ARHGAP15: variants seen among roughly 807,000 people sequenced by gnomAD.
The protein encoded by ARHGAP15 is Rho GTPase activating protein 15.
In ARHGAP15, 51 loss-of-function variants were observed where a neutral mutation model predicts 63.7. The observed-to-expected ratio is 0.80, with a 90% CI of 0.64 to 1.01. The LOEUF is 1.01. Ranked by LOEUF, ARHGAP15 falls within the 50% of genes least tolerant of loss-of-function variation. ARHGAP15 has a pLI of 0.00. For missense variants in ARHGAP15, 560 were observed against 564.6 expected (o/e 0.99, Z 0.08); for synonymous variants, 191 against 193.8 (o/e 0.99, Z 0.12).
intron 6 of ARHGAP15, among the ~76,000 whole-genome samples, chr2:143,334,225 C>T (rs191951185): frequency 8.1e-4 from 123 of 152,230 alleles, no homozygotes; most frequent in Non-Finnish European, 1.2e-3. Flanking sequence ...TCTAATTTTT[C>T]TTAAGCTGGT....
chr2:143,305,871 T>C (rs899323165), intron 6 of ARHGAP15, among the ~76,000 whole-genome samples: 2 of 152,092 alleles, frequency 1.3e-5, no homozygotes, highest in Non-Finnish European at 2.9e-5. Context: ...TTAAAATATA[T>C]AAATAAAATT....
intron 6 of ARHGAP15, among the ~76,000 whole-genome samples, chr2:143,308,555 C>T (rs1683287995): frequency 6.6e-6 from 1 of 151,698 alleles, no homozygotes; most frequent in Non-Finnish European, 1.5e-5. Context: ...GCTATGGTAA[C>T]TATTGTAATT....
chr2:143,618,639 A>T (rs1698531894), intron 11 of ARHGAP15, among the ~76,000 whole-genome samples: 3 of 152,220 alleles, frequency 2.0e-5, no homozygotes, highest in African/African-American at 7.2e-5. Flanking sequence ...CTTGTTTTTA[A>T]CACATGAAGA....
intron 13 of ARHGAP15, among the ~76,000 whole-genome samples, chr2:143,749,677 GGAGT>G (rs1488206017): frequency 1.3e-5 from 2 of 152,150 alleles, no homozygotes; most frequent in African/African-American, 2.4e-5. Context: ...TAATGGGATA[GGAGT>G]AATTATTTTA....
At position 143,532,580 on chromosome 2, in the gene ARHGAP15, T is replaced by C. The variant is rs1694567682; in HGVS notation, c.925+13216T>C. Among the ~76,000 whole-genome samples the C allele has an allele frequency of 3.3e-5, 5 of 152,212 alleles. No individual in the cohort carries two copies. The South Asian group carries it at 1.0e-3, about 31-fold the overall frequency. ...GTTATTAGGATAGCAAGTGACTTAA[T>C]GCTAGAAATCAACTATTCTTGACTT... On this transcript the variant is annotated intron_variant, in intron 10 of 13. Transcript: ENST00000295095.
intron 11 of ARHGAP15, among the ~76,000 whole-genome samples, chr2:143,592,855 C>A (rs970289822): frequency 1.3e-5 from 2 of 152,162 alleles, no homozygotes; most frequent in African/African-American, 4.8e-5. Flanking sequence ...CATCTGGATT[C>A]TTTTGTGGGG....
chr2:143,517,160 G>A (rs1693860619), intron 9 of ARHGAP15, among the ~76,000 whole-genome samples: 1 of 152,138 alleles, frequency 6.6e-6, no homozygotes, highest in South Asian at 2.1e-4. Flanking sequence ...TGTTGGCCAA[G>A]ATGGTCTAAA....
chr2:143,764,423 T>C (rs148961409), intron 13 of ARHGAP15, among the ~76,000 whole-genome samples: 53 of 152,280 alleles, frequency 3.5e-4, no homozygotes, highest in African/African-American at 1.2e-3. Flanking sequence ...TCTTTCCCCT[T>C]TCAAACTTCC....
chr2:143,717,645 TTTATTC>T (rs1684867245), intron 13 of ARHGAP15, among the ~76,000 whole-genome samples: 1 of 152,206 alleles, frequency 6.6e-6, no homozygotes, highest in Non-Finnish European at 1.5e-5. Context: ...ATCCGAGTCA[TTTATTC>T]TGGTCTGTAC....
At chr2:143,215,254 G>A (rs16858878) in intron 3 of ARHGAP15, among the ~76,000 whole-genome samples, 26,318 of 151,986 alleles carry the variant, frequency 0.17, 2,490 homozygotes, top group Middle Eastern at 0.25. Flanking sequence ...ATAAAAAGAC[G>A]TGCACATTAA....
intron 12 of ARHGAP15, among the ~76,000 whole-genome samples, chr2:143,670,442 A>G (rs2105347122): frequency 6.6e-6 from 1 of 152,294 alleles, no homozygotes; most frequent in South Asian, 2.1e-4. Flanking sequence ...AGTGCAAAGG[A>G]TGCGGAAGAT....
chr2:143,206,286 G>A (rs924199991), intron 3 of ARHGAP15, among the ~76,000 whole-genome samples: 3 of 152,074 alleles, frequency 2.0e-5, no homozygotes, highest in African/African-American at 7.2e-5. Context: ...CTTCTACTTA[G>A]ATTGCTTTTG....
At chr2:143,636,849 T>C (rs1680342628) in intron 12 of ARHGAP15, among the ~76,000 whole-genome samples, 1 of 152,108 alleles carries the variant, frequency 6.6e-6, no homozygotes, top group African/African-American at 2.4e-5. Context: ...AGAGAGTGTG[T>C]GGCTTAAATA....
intron 6 of ARHGAP15, among the ~76,000 whole-genome samples, chr2:143,343,162 C>T (rs569059040): frequency 5.7e-4 from 87 of 152,096 alleles, no homozygotes; most frequent in African/African-American, 2.0e-3. Context: ...TGATAAACCC[C>T]GCACTGGTTA....
chr2:143,256,813 T>C lies in ARHGAP15; in HGVS notation c.474+6213T>C, dbSNP rs553239519. Among the ~76,000 whole-genome samples the C allele has an allele frequency of 1.1e-4, 16 of 152,160 alleles. 1 individual carries two copies. The South Asian group carries it at 1.9e-3, about 18-fold the overall frequency. On this transcript the variant is annotated intron_variant, in intron 6 of 13. Coordinates refer to ENST00000295095, the MANE Select transcript of ARHGAP15 (RefSeq NM_018460.4). ...TATGAATGTCAGGGGTATATAAAGA[T>C]TGAGTGCAAATGATAGAATCTGGGG...
rs78599706 is a variant in ARHGAP15, at chr2:143,602,958, G to A, written c.1004-21175G>A. ...TATTTTTAAGCCTGACCAAATAGGCGTACTCTAATCTTGCCTATTTCAGCA... is the reference window on the plus strand; with the variant it reads ...TATTTTTAAGCCTGACCAAATAGGCATACTCTAATCTTGCCTATTTCAGCA... On this transcript the variant is annotated intron_variant, in intron 11 of 13. Transcript: ENST00000295095. Among the ~76,000 whole-genome samples the A allele has an allele frequency of 5.6e-3, 847 of 152,250 alleles. 7 individuals are homozygous for A. The highest frequency in any genetic ancestry group is 0.019 in the African/African-American group (774 of 41,548).
chr2:143,321,020 G>A (rs982964331), intron 6 of ARHGAP15, among the ~76,000 whole-genome samples: 5 of 152,074 alleles, frequency 3.3e-5, no homozygotes, highest in African/African-American at 7.2e-5. Flanking sequence ...CCTATGGGGG[G>A]ATTCACAGCC....
intron 4 of ARHGAP15, among the ~76,000 whole-genome samples, chr2:143,220,030 A>G (rs1467128529): frequency 1.3e-5 from 2 of 152,204 alleles, no homozygotes; most frequent in East Asian, 1.9e-4. Context: ...CAAATTGAAC[A>G]TTGTATATGT....
intron 6 of ARHGAP15, among the ~76,000 whole-genome samples, chr2:143,274,350 G>T (rs1253025954): frequency 6.6e-6 from 1 of 151,736 alleles, no homozygotes; most frequent in African/African-American, 2.4e-5. Flanking sequence ...AATTTTCATT[G>T]TTACATTAGA....
Sources: gnomAD v4.1 joint callset for allele counts (sites outside exome capture counted in the v4.1 genomes callset) on GRCh38, gnomAD v4.1.1 for gene constraint, MANE v1.5 for transcripts, NCBI Gene and HGNC (gene_info 2026-07-23, HGNC 2026-07-21) for gene names.